STRN: variants seen among roughly 807,000 people sequenced by gnomAD.
STRN encodes the protein striatin, also known as protein phosphatase 2 regulatory subunit B'''alpha.
STRN carries 53 observed loss-of-function variants against 96.3 expected under a neutral mutation model. The ratio of observed to expected loss-of-function variants is 0.55; its 90% confidence interval spans 0.44 to 0.69. STRN has a LOEUF of 0.69. Ranked by LOEUF, STRN falls within the 30% of genes least tolerant of loss-of-function variation. STRN has a pLI of 0.00. For missense variants in STRN, 987 were observed against 963.9 expected (o/e 1.02, Z -0.32); for synonymous variants, 428 against 355.9 (o/e 1.20, Z -2.28).
rs1199014688 is a variant in STRN, at chr2:36,955,932, T to C, written c.234+10298A>G. 2.0e-5 allele frequency among the ~76,000 whole-genome samples: 3 copies of C among 152,238 alleles called. No homozygotes were observed. In the East Asian group the frequency reaches 5.8e-4, roughly 29 times the overall value. ...CACACAGTTTAAACGTAATTTTACT[T>C]TTCCCTATGGGATACTAAATAAACT... On this transcript the variant is annotated intron_variant, in intron 1 of 17. Transcript: ENST00000263918.
chr2:36,926,344 C>A (rs551274779), intron 1 of STRN, among the ~76,000 whole-genome samples: 1 of 152,230 alleles, frequency 6.6e-6, no homozygotes, highest in African/African-American at 2.4e-5. Context: ...GTCATAAGGG[C>A]CTCAAAACTA....
In STRN at chr2:36,955,468, G is replaced by A. The variant is rs536082382; in HGVS notation, c.234+10762C>T. ...CTAGAATTCTAGAATTATAAGTGCC[G>A]AAATGAAAAATACAGATAAGACATC... is the stretch of plus-strand genomic sequence containing the variant. On this transcript the variant is annotated intron_variant, in intron 1 of 17. Transcript: ENST00000263918. Among the ~76,000 whole-genome samples, 13 of 152,274 alleles carry A rather than the reference G, an allele frequency of 8.5e-5. No individual in the cohort carries two copies. In the South Asian group the frequency reaches 1.7e-3, roughly 19 times the overall value.
rs551411295 is a variant in STRN, at chr2:36,844,610, C to T, written c.*4846G>A. On this transcript the variant is annotated 3_prime_UTR_variant, in exon 18 of 18. Coordinates refer to ENST00000263918, the MANE Select transcript of STRN (RefSeq NM_003162.4). ...CAGAAAATTCTGACCCCCTAAGCACCACTTTAGGAATACCGCCAGAATCAA... is the reference window on the plus strand; with the variant it reads ...CAGAAAATTCTGACCCCCTAAGCACTACTTTAGGAATACCGCCAGAATCAA... The T allele has an allele frequency of 6.6e-6, 1 of 152,138 alleles. No homozygotes were observed. The highest frequency in any genetic ancestry group is 2.1e-4 in the South Asian group (1 of 4,812). The allele number at this position is 152,138 out of a possible 1,614,324, so 9.4% of individuals were successfully genotyped here. A position where few individuals can be genotyped will look rare whatever the true frequency, so the allele number is the denominator to read the frequency against.
intron 1 of STRN, among the ~76,000 whole-genome samples, chr2:36,937,142 G>A (rs111796718): frequency 2.6e-5 from 4 of 151,868 alleles, no homozygotes; most frequent in East Asian, 3.9e-4. Context: ...TCGGGAGTTC[G>A]AGATAAGCCT....
Position 36,849,274 on chromosome 2 carries a change from G to C in STRN, c.*182C>G. 1.4e-6 allele frequency: 1 copy of C among 707,724 alleles called. No homozygotes were observed. Among genetic ancestry groups the C allele is most frequent in the Non-Finnish European group, 2.2e-6 (1 of 448,310 alleles). The allele number at this position is 707,724 out of a possible 1,614,324, so 43.8% of individuals were successfully genotyped here. A position where few individuals can be genotyped will look rare whatever the true frequency, so the allele number is the denominator to read the frequency against. On this transcript the variant is annotated 3_prime_UTR_variant, in exon 18 of 18. Transcript: ENST00000263918. ...GATTCAGCTGAGCTTGCAGCAACCT[G>C]AACAAACCTTAGTTTTAGAAAACAG...
chr2:36,947,498 C>CA (rs1664609260), intron 1 of STRN, among the ~76,000 whole-genome samples: 1 of 149,852 alleles, frequency 6.7e-6, no homozygotes, highest in South Asian at 2.1e-4. Context: ...ACCTTTATTA[C>CA]AAAAAAAGCC....
intron 3 of STRN, among the ~76,000 whole-genome samples, chr2:36,912,241 CGT>C (rs1422584031): frequency 6.6e-6 from 1 of 152,170 alleles, no homozygotes; most frequent in Non-Finnish European, 1.5e-5. Flanking sequence ...CACACGTGTG[CGT>C]GAGAGTGTGC....
At position 36,951,736 on chromosome 2, in the gene STRN, G is replaced by C. The variant is rs548927053; in HGVS notation, c.234+14494C>G. 7.2e-4 allele frequency among the ~76,000 whole-genome samples: 110 copies of C among 152,316 alleles called. 1 individual carries two copies. The highest frequency in any genetic ancestry group is 2.6e-3 in the African/African-American group (107 of 41,572). ...CCTTAGAGAAATAAAAATGCCCTTA[G>C]GTGACTCAGAGTCTACTGAGGAAAC... On this transcript the variant is annotated intron_variant, in intron 1 of 17. Transcript: ENST00000263918.
At chr2:36,913,585 CAT>C (rs1372602177) in intron 3 of STRN, among the ~76,000 whole-genome samples, 1 of 152,190 alleles carries the variant, frequency 6.6e-6, no homozygotes, top group African/African-American at 2.4e-5. Flanking sequence ...TTATACATGT[CAT>C]ATGTCATTGT....
chr2:36,897,897 C>T (rs1669587911), intron 6 of STRN, among the ~76,000 whole-genome samples: 1 of 152,002 alleles, frequency 6.6e-6, no homozygotes, highest in Admixed American at 6.6e-5. Context: ...TGCTATGTTG[C>T]CTAGGCTGGT....
chr2:36,880,372 T>G (rs1191727310), intron 9 of STRN, among the ~76,000 whole-genome samples: 1 of 152,164 alleles, frequency 6.6e-6, no homozygotes, highest in East Asian at 1.9e-4. Flanking sequence ...CCCAGGAGTT[T>G]GAGGCTACAG....
At chr2:36,902,064 C>T (rs1455199604) in intron 5 of STRN, among the ~76,000 whole-genome samples, 1 of 152,038 alleles carries the variant, frequency 6.6e-6, no homozygotes, top group Non-Finnish European at 1.5e-5. Context: ...TTGTATGATA[C>T]ATAATCCAAA....
At chr2:36,890,138 T>G (rs1242733215) in intron 7 of STRN, among the ~76,000 whole-genome samples, 1 of 152,210 alleles carries the variant, frequency 6.6e-6, no homozygotes, top group Non-Finnish European at 1.5e-5. Context: ...GCAGCTATGT[T>G]GGTGGACTTG....
At chr2:36,959,191 A>C (rs370987866) in intron 1 of STRN, among the ~76,000 whole-genome samples, 1 of 152,314 alleles carries the variant, frequency 6.6e-6, no homozygotes, top group African/African-American at 2.4e-5. Context: ...GAAAATCTTA[A>C]ATGCAACCAA....
At chr2:36,924,651 C>T (rs1670362464) in intron 2 of STRN, among the ~76,000 whole-genome samples, 2 of 152,124 alleles carry the variant, frequency 1.3e-5, no homozygotes, top group Admixed American at 1.3e-4. Flanking sequence ...ATAAAATTAA[C>T]ATATTACAAC....
chr2:36,886,825 T>C lies in STRN; in HGVS notation c.933A>G (p.Glu311=). Residue 311 remains glutamate (E), a splice_region_variant and synonymous_variant, in exon 8 of 18, where the codon GAA becomes GAG. Coordinates refer to ENST00000263918, the MANE Select transcript of STRN (RefSeq NM_003162.4). ...SRSAGDGTDW[E]KEDQCLMPEA... is the part of the protein sequence containing the mutation. ...CAGGCATGAGACACTGGTCTTCCTT[T>C]TCTAAACAGAGTGAAACAAATGAAA... The C allele has an allele frequency of 6.2e-7, 1 of 1,610,390 alleles. No individual in the cohort carries two copies. Among genetic ancestry groups the C allele is most frequent in the Non-Finnish European group, 8.5e-7 (1 of 1,178,336 alleles).
intron 7 of STRN, among the ~76,000 whole-genome samples, chr2:36,892,062 T>C (rs902602351): frequency 6.6e-6 from 1 of 152,228 alleles, no homozygotes; most frequent in Non-Finnish European, 1.5e-5. Context: ...AAGTAACATT[T>C]AGACAGAATT....
intron 5 of STRN, among the ~76,000 whole-genome samples, chr2:36,901,085 T>C (rs748188543): frequency 6.6e-6 from 1 of 151,998 alleles, no homozygotes; most frequent in Non-Finnish European, 1.5e-5. Flanking sequence ...TACTTACAGC[T>C]TTGTGTTTGG....
intron 1 of STRN, among the ~76,000 whole-genome samples, chr2:36,933,804 T>C (rs1403375871): frequency 6.6e-6 from 1 of 152,022 alleles, no homozygotes; most frequent in Non-Finnish European, 1.5e-5. Context: ...GCGATGACTC[T>C]AAACAGTTTA....
Sources: allele counts gnomAD v4.1 joint callset (sites outside exome capture counted in the v4.1 genomes callset), GRCh38; gene constraint gnomAD v4.1.1; transcripts MANE v1.5; gene names NCBI Gene and HGNC (gene_info 2026-07-23, HGNC 2026-07-21).